PLCG2: variants seen among roughly 807,000 people sequenced by gnomAD.
PLCG2 encodes the protein 1-phosphatidylinositol 4,5-bisphosphate phosphodiesterase gamma-2.
PLCG2 carries 69 observed loss-of-function variants against 175.6 expected under a neutral mutation model. The observed-to-expected ratio is 0.39, with a 90% CI of 0.32 to 0.48. The LOEUF is 0.48. Ranked by LOEUF, PLCG2 falls within the 20% of genes least tolerant of loss-of-function variation. The pLI is 0.91. For synonymous variants in PLCG2, 827 were observed against 624.0 expected (o/e 1.33, Z -4.85); for missense variants, 1,798 against 1,650.9 (o/e 1.09, Z -1.54).
intron 29 of PLCG2, 77 bp downstream of exon 29, chr16:81,938,992 G>A: frequency 1.2e-6 from 1 of 814,390 alleles, no homozygotes; most frequent in South Asian, 1.5e-5. Flanking sequence ...CTTCGTGGGG[G>A]ATTTTGCAAT....
At chr16:81,847,416 C>G (rs1017175779) in intron 2 of PLCG2, among the ~76,000 whole-genome samples, 3 of 152,118 alleles carry the variant, frequency 2.0e-5, no homozygotes, top group Non-Finnish European at 4.4e-5. Context: ...TAGCCCCTCT[C>G]TCCTTCCTGG....
upstream of PLCG2, among the ~76,000 whole-genome samples, chr16:81,778,988 C>G (rs891748774): frequency 2.0e-5 from 3 of 152,054 alleles, no homozygotes; most frequent in African/African-American, 7.2e-5. Flanking sequence ...ACGGCAAACA[C>G]CTGGACTGCG....
intron 2 of PLCG2, among the ~76,000 whole-genome samples, chr16:81,837,207 C>T (rs1905564403): frequency 2.0e-5 from 3 of 152,208 alleles, no homozygotes. Context: ...AGATGGAAGT[C>T]AGAAAAGTGT....
At chr16:81,850,586 G>A (rs762226470) in intron 2 of PLCG2, among the ~76,000 whole-genome samples, 2 of 152,100 alleles carry the variant, frequency 1.3e-5, no homozygotes, top group African/African-American at 2.4e-5. Flanking sequence ...CTTATGCCCA[G>A]GCATAAGAGA....
At chr16:81,951,547 C>A (rs941691859) in intron 31 of PLCG2, among the ~76,000 whole-genome samples, 2 of 152,140 alleles carry the variant, frequency 1.3e-5, no homozygotes, top group African/African-American at 4.8e-5. Context: ...GTAAGAAGAA[C>A]AATGGAAATC....
At chr16:81,857,973 G>T in intron 3 of PLCG2, 1 of 402,324 alleles carries the variant, frequency 2.5e-6, no homozygotes. Context: ...ATGTCATAGT[G>T]ATAGTTCCCA....
chr16:81,762,124 C>T (rs1805767122), intron 2 of PLCG2, among the ~76,000 whole-genome samples: 1 of 152,094 alleles, frequency 6.6e-6, no homozygotes, highest in African/African-American at 2.4e-5. Flanking sequence ...CATGAGCCAC[C>T]ACGCATGGCC....
At chr16:81,761,431 C>T (rs1161889210) in intron 2 of PLCG2, among the ~76,000 whole-genome samples, 1 of 152,142 alleles carries the variant, frequency 6.6e-6, no homozygotes, top group East Asian at 1.9e-4. Context: ...AAGTGTAATT[C>T]TTCTGATTAT....
At chr16:81,860,818 A>G (rs1195941783) in intron 5 of PLCG2, among the ~76,000 whole-genome samples, 5 of 152,028 alleles carry the variant, frequency 3.3e-5, no homozygotes, top group Non-Finnish European at 5.9e-5. Context: ...TAAAATACAA[A>G]AAATTAGCCA....
At chr16:81,795,598 G>C (rs1326345836) in intron 2 of PLCG2, among the ~76,000 whole-genome samples, 2 of 152,224 alleles carry the variant, frequency 1.3e-5, no homozygotes, top group Non-Finnish European at 2.9e-5. Flanking sequence ...TCCTTTGTGT[G>C]ACCACTGCAT....
At chr16:81,774,744 G>GGTT (rs1567456308), upstream of PLCG2, among the ~76,000 whole-genome samples, 1 of 143,008 alleles carries the variant, frequency 7.0e-6, no homozygotes, top group African/African-American at 2.6e-5. Context: ...CTCTAAGGGT[G>GGTT]TTTTTTTTTT....
chr16:81,876,039 T>A (rs35400295), intron 7 of PLCG2, among the ~76,000 whole-genome samples: 2 of 137,250 alleles, frequency 1.5e-5, no homozygotes, highest in South Asian at 4.5e-4. Flanking sequence ...TTTTTTTTTG[T>A]TTTTGAGACA....
At position 81,859,122 on chromosome 16, in the gene PLCG2, G is replaced by C. The variant is rs976068042; in HGVS notation, c.438G>C (p.Leu146=). Residue 146 remains leucine, a synonymous_variant, in exon 5 of 33, where the codon CTG becomes CTC. Transcript: ENST00000564138. ...GTCTCATATTTCTTTCCAGTTGGCT[G>C]AGAAAGCAGATATATTCTGTGGATC... The part of the protein sequence containing the change: ...ASTPTIIESW[L]RKQIYSVDQT... The C allele has an allele frequency of 6.3e-7, 1 of 1,586,442 alleles. No homozygotes were observed. The highest frequency in any genetic ancestry group is 1.3e-5 in the African/African-American group (1 of 74,432).
At position 81,960,534 on chromosome 16, in the gene PLCG2, G is replaced by C. The variant is rs1252072172; in HGVS notation, c.*2536G>C. ...GGCCTTGTGAGTTTGGGAAACTTAG[G>C]TTATAAAAACTAAATAAAGTTTTTC... On this transcript the variant is annotated 3_prime_UTR_variant, in exon 33 of 33. Coordinates refer to ENST00000564138, the MANE Select transcript of PLCG2 (RefSeq NM_002661.5). 9.1e-5 allele frequency: 21 copies of C among 231,380 alleles called. No homozygotes were observed. In the East Asian group the frequency reaches 1.2e-3, roughly 14 times the overall value. 14.3% of individuals were successfully genotyped at this position (231,380 alleles called of 1,614,324 possible).
chr16:81,852,858 G>C (rs1465361339), intron 2 of PLCG2, among the ~76,000 whole-genome samples: 1 of 152,140 alleles, frequency 6.6e-6, no homozygotes, highest in Non-Finnish European at 1.5e-5. Context: ...AGTGCTCTGT[G>C]GCTGTTGGCT....
chr16:81,888,986 A>G (rs1039142450), intron 9 of PLCG2, among the ~76,000 whole-genome samples, 186 bp from the exon 10 acceptor site: 4 of 152,034 alleles, frequency 2.6e-5, no homozygotes, highest in African/African-American at 9.7e-5. Context: ...CTCTGCAGAG[A>G]ACATTTGCTG....
At chr16:81,866,952 C>T (rs1907269720) in intron 5 of PLCG2, among the ~76,000 whole-genome samples, 1 of 152,262 alleles carries the variant, frequency 6.6e-6, no homozygotes, top group Non-Finnish European at 1.5e-5. Flanking sequence ...AGCCTGCTGG[C>T]CGCTGTGCCC....
chr16:81,806,144 A>G (rs557870874), intron 2 of PLCG2, among the ~76,000 whole-genome samples: 5 of 152,074 alleles, frequency 3.3e-5, no homozygotes, highest in Non-Finnish European at 7.4e-5. Flanking sequence ...TACCTATAAC[A>G]CATCTTGATT....
chr16:81,923,657 A>G, intron 22 of PLCG2, 63 bp downstream of exon 22: 1 of 1,002,604 alleles, frequency 1.0e-6, no homozygotes, highest in Admixed American at 2.0e-5. Flanking sequence ...TCTTGGTGAT[A>G]AGACTCAGGT....
Sources: allele counts gnomAD v4.1 joint callset (sites outside exome capture counted in the v4.1 genomes callset), GRCh38; gene constraint gnomAD v4.1.1; transcripts MANE v1.5; gene names NCBI Gene and HGNC (gene_info 2026-07-23, HGNC 2026-07-21).